Variants in TRPM1 observed in about 807,000 individuals in gnomAD.
TRPM1 encodes TRPM1-203 APA Isoform, Intron 10.
In TRPM1, 113 loss-of-function variants were observed where a neutral mutation model predicts 149.4. That is an observed-to-expected ratio of 0.76 (90% CI 0.65 to 0.88). The LOEUF is 0.88. Ranked by LOEUF, TRPM1 falls within the 40% of genes least tolerant of loss-of-function variation. TRPM1 has a pLI of 0.00. For missense variants in TRPM1, 1,976 were observed against 2,038.7 expected (o/e 0.97, Z 0.59); for synonymous variants, 741 against 759.5 (o/e 0.98, Z 0.40).
chr15:31,047,884 C>T lies in TRPM1; in HGVS notation c.1623+5G>A, dbSNP rs765895314. Reference sequence around the variant, plus strand: ...CAGGTAAGAATTGTAAAACAGTAGACTGACCTTTTTCACATCCCTCACCAG... The same window carrying T: ...CAGGTAAGAATTGTAAAACAGTAGATTGACCTTTTTCACATCCCTCACCAG... On this transcript the variant is annotated splice_donor_5th_base_variant and intron_variant, in intron 14 of 27. Transcript: ENST00000256552. 8 of 1,611,668 alleles carry T rather than the reference C, an allele frequency of 5.0e-6. No homozygotes were observed. Among genetic ancestry groups the T allele is most frequent in the Non-Finnish European group, 5.9e-6 (7 of 1,177,700 alleles).
intron 16 of TRPM1, among the ~76,000 whole-genome samples, chr15:31,044,171 C>T (rs777861592): frequency 1.4e-4 from 21 of 152,148 alleles, no homozygotes; most frequent in African/African-American, 2.9e-4. Context: ...TTAGAAAAAA[C>T]GACAATGAAG....
intron 1 of TRPM1, among the ~76,000 whole-genome samples, chr15:31,152,483 C>T (rs1301290991): frequency 1.3e-5 from 2 of 152,192 alleles, no homozygotes; most frequent in African/African-American, 4.8e-5. Context: ...CTAAGCACCC[C>T]CAACCATCTG....
At chr15:31,109,647 C>T (rs2035657835) in intron 1 of TRPM1, among the ~76,000 whole-genome samples, 1 of 151,158 alleles carries the variant, frequency 6.6e-6, no homozygotes, top group Non-Finnish European at 1.5e-5. Flanking sequence ...TTGCAGTGAC[C>T]CAAGATCATG....
intron 1 of TRPM1, among the ~76,000 whole-genome samples, chr15:31,123,645 C>A (rs8034628): frequency 0.56 from 84,462 of 152,014 alleles, 24,671 homozygotes; most frequent in African/African-American, 0.7. Flanking sequence ...TATAAGGAAC[C>A]ATGGGATACT....
At chr15:31,111,416 G>A (rs773645390) in intron 1 of TRPM1, among the ~76,000 whole-genome samples, 3 of 152,176 alleles carry the variant, frequency 2.0e-5, no homozygotes, top group Non-Finnish European at 4.4e-5. Flanking sequence ...TGGAGTGATG[G>A]CAAAATTCCC....
chr15:31,151,309 C>T (rs2036300385), intron 1 of TRPM1, among the ~76,000 whole-genome samples: 1 of 152,210 alleles, frequency 6.6e-6, no homozygotes, highest in South Asian at 2.1e-4. Context: ...GAGATTTTTA[C>T]TCAAGTCTAA....
chr15:31,091,482 C>A (rs2035239187), intron 1 of TRPM1, among the ~76,000 whole-genome samples: 1 of 152,200 alleles, frequency 6.6e-6, no homozygotes, highest in African/African-American at 2.4e-5. Context: ...CTGCAGTCGG[C>A]TCTGAGGGAT....
chr15:31,154,632 G>T, intron 1 of TRPM1, among the ~76,000 whole-genome samples: 1 of 152,100 alleles, frequency 6.6e-6, no homozygotes, highest in East Asian at 1.9e-4. Flanking sequence ...TCTTGCCGGG[G>T]GACTAGACTG....
At chr15:31,037,913 G>C in intron 19 of TRPM1, 71 bp from the exon 20 acceptor site, 1 of 1,612,424 alleles carries the variant, frequency 6.2e-7, no homozygotes, top group Non-Finnish European at 8.5e-7. Context: ...CGGCACACAG[G>C]CACCATTAGA....
At chr15:31,075,722 G>C (rs2034670779) in intron 3 of TRPM1, among the ~76,000 whole-genome samples, 1 of 152,182 alleles carries the variant, frequency 6.6e-6, no homozygotes, top group South Asian at 2.1e-4. Context: ...CTATCTTGCT[G>C]AGCTGGGCAG....
intron 1 of TRPM1, among the ~76,000 whole-genome samples, chr15:31,156,383 C>A (rs956026167): frequency 6.6e-6 from 1 of 151,958 alleles, no homozygotes; most frequent in Non-Finnish European, 1.5e-5. Context: ...AGCTGAGAGT[C>A]TAGCACCTTT....
At chr15:31,120,360 T>G (rs1454935617) in intron 1 of TRPM1, among the ~76,000 whole-genome samples, 2 of 152,156 alleles carry the variant, frequency 1.3e-5, no homozygotes, top group African/African-American at 4.8e-5. Context: ...TGTAAGAATT[T>G]TTGATGTGTA....
Position 31,070,173 on chromosome 15 carries a change from G to A in TRPM1, c.137C>T (p.Thr46Ile). ...GCTTTCCTCTTCATTTTTGCTGGGT[G>A]TTGCACTTGGCAGAGGGGGGATATG... ...NQHIPPLPSA[T>I]PSKNEEESKQ... The change falls in exon 4 of 28, where the codon ACA (threonine) becomes ATA (isoleucine). Residue 46 changes from threonine (T) to isoleucine (I), a missense_variant. By Grantham distance (89) the Thr-to-Ile change is moderately conservative (BLOSUM62 -1). Transcript: ENST00000256552. 2 of 1,614,094 alleles carry A rather than the reference G, an allele frequency of 1.2e-6. No homozygotes were observed. Among genetic ancestry groups the A allele is most frequent in the South Asian group, 1.1e-5 (1 of 91,078 alleles).
At chr15:31,114,487 A>G (rs2035771272) in intron 1 of TRPM1, among the ~76,000 whole-genome samples, 2 of 152,178 alleles carry the variant, frequency 1.3e-5, no homozygotes, top group Admixed American at 1.3e-4. Flanking sequence ...ATCCCAATGA[A>G]CTCCAAGCAT....
chr15:31,156,964 T>G (rs1313561246), intron 1 of TRPM1, among the ~76,000 whole-genome samples: 1 of 152,110 alleles, frequency 6.6e-6, no homozygotes, highest in Non-Finnish European at 1.5e-5. Context: ...CTCACTCTGT[T>G]GCCCAGGCTA....
At chr15:31,124,654 CAAA>C (rs57964365) in intron 1 of TRPM1, among the ~76,000 whole-genome samples, 1,344 of 86,406 alleles carry the variant, frequency 0.016, 23 homozygotes, top group African/African-American at 0.052. Flanking sequence ...GACTCTGTCT[CAAA>C]AAAAAAAAAA....
At chr15:31,096,007 C>T (rs1020103182) in intron 1 of TRPM1, among the ~76,000 whole-genome samples, 10 of 151,568 alleles carry the variant, frequency 6.6e-5, no homozygotes, top group African/African-American at 2.4e-4. Context: ...GATAGCACCA[C>T]TGCACTTCAG....
At chr15:31,146,040 T>A (rs1176130958) in intron 1 of TRPM1, among the ~76,000 whole-genome samples, 1 of 152,108 alleles carries the variant, frequency 6.6e-6, no homozygotes, top group African/African-American at 2.4e-5. Flanking sequence ...GGGCCACAGG[T>A]AGGACACACT....
intron 20 of TRPM1, 111 bp from the exon 21 acceptor site, chr15:31,035,785 C>A (rs1011708306): frequency 3.4e-6 from 5 of 1,488,294 alleles, no homozygotes; most frequent in Non-Finnish European, 4.6e-6. Context: ...TTGTTTCCAA[C>A]TGGACTGACT....
Sources: allele counts gnomAD v4.1 joint callset (sites outside exome capture counted in the v4.1 genomes callset), GRCh38; gene constraint gnomAD v4.1.1; transcripts MANE v1.5; gene names NCBI Gene and HGNC (gene_info 2026-07-23, HGNC 2026-07-21).